The following PALS1 variants were observed in gnomAD, a reference collection of about 807,000 sequenced individuals.
PALS1 encodes protein PALS1.
A neutral mutation model predicts 78.9 loss-of-function variants in PALS1; 31 were observed. The observed-to-expected ratio is 0.39, with a 90% CI of 0.30 to 0.53. The LOEUF (loss-of-function observed/expected upper bound fraction) is 0.53, where lower values mean the gene tolerates loss of function less well. Ranked by LOEUF, PALS1 falls within the 20% of genes least tolerant of loss-of-function variation. The probability of loss-of-function intolerance (pLI) is 0.67; values close to 1 mark genes in which losing one functional copy is unlikely to be tolerated. For missense variants in PALS1, 704 were observed against 826.5 expected (o/e 0.85, Z 1.82); for synonymous variants, 276 against 270.9 (o/e 1.02, Z -0.18).
intron 1 of PALS1, among the ~76,000 whole-genome samples, chr14:67,244,394 A>G (rs2083954442): frequency 6.6e-6 from 1 of 152,124 alleles, no homozygotes; most frequent in African/African-American, 2.4e-5. Flanking sequence ...GTGGCTTCAC[A>G]TTCTTGCCCA....
At chr14:67,316,976 A>T in intron 10 of PALS1, 73 bp downstream of exon 10, 1 of 1,190,116 alleles carries the variant, frequency 8.4e-7, no homozygotes, top group Non-Finnish European at 1.2e-6. Flanking sequence ...GAATCTGCAT[A>T]TTAGAACCGT....
chr14:67,255,574 T>C (rs1001261394), intron 1 of PALS1, among the ~76,000 whole-genome samples: 3 of 152,216 alleles, frequency 2.0e-5, no homozygotes, highest in African/African-American at 7.2e-5. Flanking sequence ...GAAATTCTTA[T>C]TTTATTGTTG....
chr14:67,284,568 A>C (rs10151494), intron 3 of PALS1, among the ~76,000 whole-genome samples: 23,115 of 140,106 alleles, frequency 0.16, 4,425 homozygotes, highest in East Asian at 0.45. Context: ...AAAAAAAAAA[A>C]AAAAAAAAAA....
intron 4 of PALS1, among the ~76,000 whole-genome samples, chr14:67,295,140 T>C (rs1169313981): frequency 6.6e-6 from 1 of 151,166 alleles, no homozygotes; most frequent in Non-Finnish European, 1.5e-5. Flanking sequence ...TGTAAATACA[T>C]GACAAAAACT....
chr14:67,320,215 T>G lies in PALS1; in HGVS notation c.1370-15T>G. 1.3e-6 allele frequency: 2 copies of G among 1,595,826 alleles called. No individual in the cohort carries two copies. The highest frequency in any genetic ancestry group is 1.7e-6 in the Non-Finnish European group (2 of 1,173,070). ...CATAATTTTGTTTGAAGAGCTTAAC[T>G]TTTTTTTCCCAAAGATTATGACAAC... On this transcript the variant is annotated splice_polypyrimidine_tract_variant and intron_variant, in intron 11 of 14. Coordinates refer to ENST00000261681, the MANE Select transcript of PALS1 (RefSeq NM_022474.4).
chr14:67,251,134 G>A (rs1249271810), intron 1 of PALS1, among the ~76,000 whole-genome samples: 1 of 152,154 alleles, frequency 6.6e-6, no homozygotes, highest in Non-Finnish European at 1.5e-5. Flanking sequence ...TGGCTTTTCT[G>A]CTTTGTCTGT....
chr14:67,329,105 C>T (rs1355022375), intron 14 of PALS1, among the ~76,000 whole-genome samples: 1 of 152,166 alleles, frequency 6.6e-6, no homozygotes, highest in Non-Finnish European at 1.5e-5. Context: ...TCTTCCCATC[C>T]ATGAGCATGG....
In PALS1 at chr14:67,318,634, A is replaced by G. The variant is rs1041713619; in HGVS notation, c.1369+1155A>G. On this transcript the variant is annotated intron_variant, in intron 11 of 14. Transcript: ENST00000261681. Reference sequence around the variant, plus strand: ...GGAGAAGGAATTACATTTGCTGTTTATGATGATGTCATCATCATGAATATT... The same window carrying G: ...GGAGAAGGAATTACATTTGCTGTTTGTGATGATGTCATCATCATGAATATT... 4.6e-5 allele frequency among the ~76,000 whole-genome samples: 7 copies of G among 151,400 alleles called. No individual in the cohort carries two copies. In the South Asian group the frequency reaches 1.0e-3, roughly 23 times the overall value.
intron 8 of PALS1, chr14:67,312,135 T>C (rs1189982423): frequency 1.3e-5 from 2 of 153,494 alleles, no homozygotes; most frequent in African/African-American, 4.8e-5. Flanking sequence ...AGGCACCTTG[T>C]ACCTCAGCTT....
intron 1 of PALS1, among the ~76,000 whole-genome samples, chr14:67,243,777 T>C (rs1255841649): frequency 6.6e-6 from 1 of 152,190 alleles, no homozygotes; most frequent in African/African-American, 2.4e-5. Context: ...ATTACAGGCG[T>C]GAGCCACCGC....
chr14:67,284,301 C>G (rs990681787), intron 3 of PALS1, among the ~76,000 whole-genome samples: 2 of 151,512 alleles, frequency 1.3e-5, no homozygotes, highest in African/African-American at 4.8e-5. Context: ...TTTTAGTATA[C>G]TCACAAGGTT....
At chr14:67,275,772 G>A (rs898339255) in intron 2 of PALS1, among the ~76,000 whole-genome samples, 1 of 152,102 alleles carries the variant, frequency 6.6e-6, no homozygotes, top group Non-Finnish European at 1.5e-5. Flanking sequence ...TGGTTGGTAG[G>A]CTATTAATTA....
chr14:67,249,692 A>G (rs2084038428), intron 1 of PALS1, among the ~76,000 whole-genome samples: 1 of 152,246 alleles, frequency 6.6e-6, no homozygotes, highest in African/African-American at 2.4e-5. Flanking sequence ...AATTTGAGAA[A>G]CTTCACACAA....
At chr14:67,302,797 T>C (rs2084949534) in intron 7 of PALS1, among the ~76,000 whole-genome samples, 1 of 151,892 alleles carries the variant, frequency 6.6e-6, no homozygotes, top group Admixed American at 6.6e-5. Context: ...ATTTTATTTT[T>C]CTGGAATCAG....
At chr14:67,315,844 G>A (rs2085164658) in intron 9 of PALS1, among the ~76,000 whole-genome samples, 4 of 152,198 alleles carry the variant, frequency 2.6e-5, no homozygotes, top group Non-Finnish European at 5.9e-5. Context: ...CGAATCCCTT[G>A]AACCTGGAAG....
At chr14:67,289,734 C>G (rs1254029801) in intron 3 of PALS1, among the ~76,000 whole-genome samples, 1 of 144,882 alleles carries the variant, frequency 6.9e-6, no homozygotes, top group Non-Finnish European at 1.5e-5. Flanking sequence ...AGAGAGCTGA[C>G]AAAAAGGCAC....
At chr14:67,262,121 C>A (rs1358947117) in intron 1 of PALS1, among the ~76,000 whole-genome samples, 1 of 152,104 alleles carries the variant, frequency 6.6e-6, no homozygotes, top group Non-Finnish European at 1.5e-5. Context: ...AAACAGATAT[C>A]TGACCTGTCT....
At chr14:67,316,434 C>A (rs1033825430) in intron 9 of PALS1, among the ~76,000 whole-genome samples, 1 of 152,072 alleles carries the variant, frequency 6.6e-6, no homozygotes, top group Non-Finnish European at 1.5e-5. Context: ...GTGATGAATG[C>A]GCACATGTTG....
chr14:67,312,509 G>T lies in PALS1; in HGVS notation c.1042-18G>T, dbSNP rs991615236. 3.4e-6 allele frequency: 5 copies of T among 1,490,712 alleles called. No individual in the cohort carries two copies. In the African/African-American group the frequency reaches 7.0e-5, roughly 21 times the overall value. 92.3% of individuals were successfully genotyped at this position (1,490,712 alleles called of 1,614,324 possible). On this transcript the variant is annotated intron_variant, in intron 8 of 14. Transcript: ENST00000261681. Reference sequence around the variant, plus strand: ...TATATTGCCATTTATTGTTGTTTTTGCCCTTTTTATCTTTTAGATCCATGT... The same window carrying T: ...TATATTGCCATTTATTGTTGTTTTTTCCCTTTTTATCTTTTAGATCCATGT...
Sources: gnomAD v4.1 joint callset for allele counts (sites outside exome capture counted in the v4.1 genomes callset) on GRCh38, gnomAD v4.1.1 for gene constraint, MANE v1.5 for transcripts, NCBI Gene and HGNC (gene_info 2026-07-23, HGNC 2026-07-21) for gene names.